The following CDKL3 variants were observed in gnomAD, a reference collection of about 807,000 sequenced individuals.
CDKL3 encodes the protein cyclin dependent kinase like 3, also known as cyclin-dependent kinase-like 3.
CDKL3 carries 65 observed loss-of-function variants against 69.3 expected under a neutral mutation model. The ratio of observed to expected loss-of-function variants is 0.94; its 90% CI spans 0.77 to 1.15. CDKL3 has a LOEUF of 1.15. Among genes scored for constraint, CDKL3 ranks in the 50% most tolerant of loss-of-function variants. The pLI, the probability that CDKL3 is intolerant of heterozygous loss-of-function variation, is 0.00. For missense variants in CDKL3, 652 were observed against 689.2 expected (o/e 0.95, Z 0.61); for synonymous variants, 202 against 221.6 (o/e 0.91, Z 0.79).
chr5:134,352,448 A>G (rs1379406956), intron 3 of CDKL3, among the ~76,000 whole-genome samples: 2 of 151,796 alleles, frequency 1.3e-5, no homozygotes, highest in East Asian at 1.9e-4. Flanking sequence ...TTACAGGGAC[A>G]TGCCACCACG....
chr5:134,306,459 T>C, intron 10 of CDKL3, 150 bp downstream of exon 10: 1 of 568,154 alleles, frequency 1.8e-6, no homozygotes, highest in Non-Finnish European at 3.1e-6. Context: ...ATCGTACCAC[T>C]GCACTCCAGT....
At chr5:134,304,247 C>T (rs1293439949) in intron 11 of CDKL3, among the ~76,000 whole-genome samples, 158 bp downstream of exon 11, 2 of 152,154 alleles carry the variant, frequency 1.3e-5, no homozygotes, top group African/African-American at 4.8e-5. Flanking sequence ...AATCATACCC[C>T]TTATTTGACA....
At chr5:134,304,010 T>C (rs1487752629) in intron 11 of CDKL3, among the ~76,000 whole-genome samples, 1 of 151,924 alleles carries the variant, frequency 6.6e-6, no homozygotes, top group East Asian at 1.9e-4. Context: ...CATGGCTCAC[T>C]GCAGTCTCAA....
intron 9 of CDKL3, among the ~76,000 whole-genome samples, chr5:134,306,994 A>G (rs1768057945): frequency 6.6e-6 from 1 of 152,016 alleles, no homozygotes; most frequent in African/African-American, 2.4e-5. Context: ...AGCTAAAGTG[A>G]TACACTCGCC....
intron 4 of CDKL3, among the ~76,000 whole-genome samples, chr5:134,343,812 A>C (rs1163453416): frequency 6.6e-6 from 1 of 152,122 alleles, no homozygotes; most frequent in Non-Finnish European, 1.5e-5. Context: ...CTACCCACCA[A>C]GTTGTCCTTA....
In CDKL3 at chr5:134,308,741, C is replaced by T. The variant is rs1431777699; in HGVS notation, c.882-14G>A. 5 of 1,570,900 alleles carry T rather than the reference C, an allele frequency of 3.2e-6. No homozygotes were observed. Among genetic ancestry groups the T allele is most frequent in the Non-Finnish European group, 4.3e-6 (5 of 1,167,280 alleles). On this transcript the variant is annotated splice_polypyrimidine_tract_variant and intron_variant, in intron 7 of 12. Coordinates refer to ENST00000265334, the MANE Select transcript of CDKL3 (RefSeq NM_001113575.2). ...TCTGGCATGAATCTGACAAAACAAG[C>T]AATATCAACGAGTAATCTTTTTATA...
chr5:134,310,312 A>C (rs1769067855), intron 7 of CDKL3, among the ~76,000 whole-genome samples: 1 of 151,708 alleles, frequency 6.6e-6, no homozygotes, highest in Admixed American at 6.6e-5. Context: ...CAACCTCCTG[A>C]GTAGCTGGCA....
rs569622101 is a variant in CDKL3, at chr5:134,335,645, T to C, written c.540-13742A>G. On this transcript the variant is annotated intron_variant, in intron 4 of 12. Coordinates refer to ENST00000265334, the MANE Select transcript of CDKL3 (RefSeq NM_001113575.2). ...TCTTTTCTATAAGAACGTTGAATAT[T>C]GGCCCCCACTCTCTTCTGGCTTGCA... 9.9e-5 allele frequency among the ~76,000 whole-genome samples: 15 copies of C among 152,274 alleles called. No individual in the cohort carries two copies. In the East Asian group the frequency reaches 2.3e-3, roughly 24 times the overall value.
intron 7 of CDKL3, among the ~76,000 whole-genome samples, chr5:134,311,628 G>C (rs1490600593): frequency 6.6e-6 from 1 of 152,170 alleles, no homozygotes; most frequent in African/African-American, 2.4e-5. Flanking sequence ...TATTCTCTGA[G>C]TCAGAGGTCC....
intron 4 of CDKL3, among the ~76,000 whole-genome samples, chr5:134,331,750 C>T (rs1035552941): frequency 6.6e-6 from 1 of 152,088 alleles, no homozygotes; most frequent in African/African-American, 2.4e-5. Context: ...GTGAATAGTG[C>T]CACAATAAAC....
chr5:134,293,002 CTTTTTTTTTTTTTTTTTTTTTTT>C (rs558156596), intron 8 of CDKL3, among the ~76,000 whole-genome samples: 6 of 43,902 alleles, frequency 1.4e-4, no homozygotes, highest in South Asian at 1.2e-3. Context: ...CTGCCAATTT[CTTTTTTTTTTTTTTTTTTTTTTT>C]TTTTTTTTTT....
At chr5:134,300,997 T>C (rs1475655303) in intron 12 of CDKL3, among the ~76,000 whole-genome samples, 1 of 151,110 alleles carries the variant, frequency 6.6e-6, no homozygotes, top group Non-Finnish European at 1.5e-5. Context: ...TGACTATTAA[T>C]GGATTTTTTT....
intron 3 of CDKL3, among the ~76,000 whole-genome samples, chr5:134,359,303 A>G (rs1323866146): frequency 6.6e-6 from 1 of 152,132 alleles, no homozygotes; most frequent in African/African-American, 2.4e-5. Flanking sequence ...CATCTCAAAA[A>G]CCAACCAACC....
chr5:134,308,823 C>T, intron 7 of CDKL3, 96 bp from the exon 8 acceptor site: 1 of 1,029,572 alleles, frequency 9.7e-7, no homozygotes, highest in South Asian at 1.9e-5. Flanking sequence ...ATGTACATTT[C>T]AGCTACAGCA....
intron 4 of CDKL3, among the ~76,000 whole-genome samples, chr5:134,328,884 A>C (rs1203568878): frequency 5.3e-5 from 8 of 152,180 alleles, no homozygotes; most frequent in African/African-American, 1.9e-4. Flanking sequence ...CTCAACAAAA[A>C]CGCCTATATC....
At chr5:134,346,241 A>C (rs1261952075) in intron 4 of CDKL3, among the ~76,000 whole-genome samples, 1 of 152,200 alleles carries the variant, frequency 6.6e-6, no homozygotes, top group Non-Finnish European at 1.5e-5. Context: ...AAGAATCTGA[A>C]CAAACAGGCC....
chr5:134,346,062 C>T (rs550837805), intron 4 of CDKL3, among the ~76,000 whole-genome samples: 129 of 152,126 alleles, frequency 8.5e-4, no homozygotes, highest in Non-Finnish European at 1.6e-3. Context: ...ATTCCTCTTC[C>T]GCCTGCCCAC....
Position 134,318,498 on chromosome 5 carries a change from T to C in CDKL3, c.792+860A>G, listed in dbSNP as rs182371479. The stretch of plus-strand genomic sequence containing the variant: ...CTCCAGTTTTTTGTTTGTTTGTTGT[T>C]TTTTTGAGACGGAGCCTCTCTCTGT... On this transcript the variant is annotated intron_variant, in intron 6 of 12. Transcript: ENST00000265334. Among the ~76,000 whole-genome samples, 8 of 152,192 alleles carry C rather than the reference T, an allele frequency of 5.3e-5. No homozygotes were observed. The East Asian group carries it at 1.5e-3, about 29-fold the overall frequency.
At chr5:134,295,011 C>CTTTT (rs869256167), downstream of CDKL3, among the ~76,000 whole-genome samples, 32 of 100,406 alleles carry the variant, frequency 3.2e-4, no homozygotes, top group Non-Finnish European at 4.9e-4. Flanking sequence ...ATTTTTTTTT[C>CTTTT]TTTTTTTTTT....
Sources: allele counts gnomAD v4.1 joint callset (sites outside exome capture counted in the v4.1 genomes callset), GRCh38; gene constraint gnomAD v4.1.1; transcripts MANE v1.5; gene names NCBI Gene and HGNC (gene_info 2026-07-23, HGNC 2026-07-21).